MED29: variants seen among roughly 807,000 people sequenced by gnomAD.
MED29 encodes mediator of RNA polymerase II transcription subunit 29.
MED29 carries 14 observed loss-of-function variants against 22.0 expected under a neutral mutation model. The observed-to-expected ratio is 0.64, with a 90% CI of 0.42 to 0.99. The LOEUF is 0.99. Ranked by LOEUF, MED29 falls within the 50% of genes least tolerant of loss-of-function variation. MED29 has a pLI of 0.00. For synonymous variants in MED29, 123 were observed against 107.8 expected, an observed-to-expected ratio of 1.14 and a Z score of -0.87; for missense variants, 241 against 253.7, an observed-to-expected ratio of 0.95 and a Z score of 0.34.
rs1227557647 is a variant in MED29 at position 39,398,005 on chromosome 19, C to T, written c.*306C>T. 2 of 539,580 alleles carry T rather than the reference C, an allele frequency of 3.7e-6. No individual in the cohort carries two copies. Among genetic ancestry groups the T allele is most frequent in the Non-Finnish European group, 6.6e-6 (2 of 303,190 alleles). The allele number at this position is 539,580 out of a possible 1,614,324, so 33.4% of individuals were successfully genotyped here. ...GGAGCCCTGGCTGTCCCCTCTCCCT[C>T]AGTCCTTCCTGACTGTCTCCAGCTG... On this transcript the variant is annotated 3_prime_UTR_variant, in exon 4 of 4. Transcript: ENST00000315588.
Position 39,393,543 on chromosome 19 carries a change from T to G in MED29, c.276-10T>G, listed in dbSNP as rs757673357. On this transcript the variant is annotated splice_polypyrimidine_tract_variant and intron_variant, in intron 2 of 3. Transcript: ENST00000315588. ...CAATTCTTCAGACATCCTTTTTTCC[T>G]TGTCTGTAGAAAGAGCAGTGATGGA... 6.2e-7 allele frequency: 1 copy of G among 1,612,700 alleles called. No homozygotes were observed. The highest frequency in any genetic ancestry group is 8.5e-7 in the Non-Finnish European group (1 of 1,178,778).
chr19:39,395,778 G>A (rs560421636), intron 3 of MED29, among the ~76,000 whole-genome samples: 8 of 152,142 alleles, frequency 5.3e-5, no homozygotes, highest in Non-Finnish European at 8.8e-5. Flanking sequence ...TTAGCCGGGC[G>A]TGGTGGCAGG....
Position 39,391,589 on chromosome 19 carries a change from C to T in MED29, c.167C>T (p.Pro56Leu), listed in dbSNP as rs1470208847. ...LLQQQQQDFD[P>L]VQRYKMLIPQ... ...CAGCAACAGCAACAGGACTTCGATC[C>T]TGTGCAGCGTTATAAGATGCTCATC... Residue 56 changes from proline (P) to leucine (L), a missense_variant, in exon 1 of 4, where the codon CCT becomes CTT. Pro to Leu is a moderately conservative substitution (Grantham distance 98). Coordinates refer to ENST00000315588, the MANE Select transcript of MED29 (RefSeq NM_017592.4). 3 of 1,612,664 alleles carry T rather than the reference C, an allele frequency of 1.9e-6. No homozygotes were observed. The highest frequency in any genetic ancestry group is 2.5e-6 in the Non-Finnish European group (3 of 1,179,492).
rs1452781685 is a variant in MED29, at chr19:39,391,408, G to A, written c.-15G>A. 3.7e-6 allele frequency: 6 copies of A among 1,609,902 alleles called. No homozygotes were observed. Among genetic ancestry groups the A allele is most frequent in the Non-Finnish European group, 4.2e-6 (5 of 1,176,678 alleles). On this transcript the variant is annotated 5_prime_UTR_variant, in exon 1 of 4. Coordinates refer to ENST00000315588, the MANE Select transcript of MED29 (RefSeq NM_017592.4). ...ACGCAGTCGTAACGCACTTCCGGCG[G>A]TCTACGCGAGGAAGATGGCTGCATC...
chr19:39,393,072 C>CTTTTT (rs2078405142), intron 2 of MED29, among the ~76,000 whole-genome samples: 6 of 86,140 alleles, frequency 7.0e-5, no homozygotes, highest in East Asian at 3.4e-4. Context: ...TTCTTTCTTT[C>CTTTTT]TTTCTTTTCT....
chr19:39,392,732 C>T (rs903849929), intron 2 of MED29: 9 of 528,360 alleles, frequency 1.7e-5, no homozygotes, highest in African/African-American at 4.0e-5. Context: ...GTTAGGAGAT[C>T]CTCTTGCCTC....
intron 1 of MED29, 30 bp downstream of exon 1, chr19:39,391,668 C>T (rs769190503): frequency 3.2e-6 from 5 of 1,547,952 alleles, no homozygotes; most frequent in Non-Finnish European, 4.4e-6. Flanking sequence ...GAGAAGCAAA[C>T]TGGATTTGGT....
At chr19:39,393,081 C>CTTTTTTTTTTTTTTTTTTTTTTT (rs142198224) in intron 2 of MED29, among the ~76,000 whole-genome samples, 3 of 34,712 alleles carry the variant, frequency 8.6e-5, no homozygotes, top group Non-Finnish European at 1.7e-4. Flanking sequence ...TCTTTCTTTT[C>CTTTTTTTTTTTTTTTTTTTTTTT]TTTTTTTTTT....
Position 39,397,654 on chromosome 19 carries a change from G to T in MED29, c.558G>T (p.Thr186=), listed in dbSNP as rs199808262. 5.0e-6 allele frequency: 8 copies of T among 1,612,560 alleles called. No individual in the cohort carries two copies. The highest frequency in any genetic ancestry group is 6.8e-6 in the Non-Finnish European group (8 of 1,179,910). ...TGCTGGACTGTGCCAACAAGGTCAC[G>T]GGCAAGACACCCGCACCACCTGCTG... ...TALLDCANKV[T]GKTPAPPAGP... Residue 186 remains threonine, a synonymous_variant, in exon 4 of 4, where the codon ACG becomes ACT. Coordinates refer to ENST00000315588, the MANE Select transcript of MED29 (RefSeq NM_017592.4).
Position 39,399,239 on chromosome 19 carries a change from A to G in MED29, c.*1540A>G, listed in dbSNP as rs1266444362. The G allele has an allele frequency of 6.6e-6, 1 of 152,276 alleles. No homozygotes were observed. The highest frequency in any genetic ancestry group is 1.5e-5 in the Non-Finnish European group (1 of 68,056). The allele number at this position is 152,276 out of a possible 1,614,324, so 9.4% of individuals were successfully genotyped here. A position where few individuals can be genotyped will look rare whatever the true frequency, so the allele number is the denominator to read the frequency against. On this transcript the variant is annotated 3_prime_UTR_variant, in exon 4 of 4. Transcript: ENST00000315588. ...CTGTAGCCCGTCCAAGTTGACACAT[A>G]AAACTGACCATCGGGCCGGGGGCGG...
Position 39,400,525 on chromosome 19 carries a change from GTTAC to G in MED29, c.*2829_*2832del, listed in dbSNP as rs1341033723. On this transcript the variant is annotated 3_prime_UTR_variant, in exon 4 of 4. Transcript: ENST00000315588. ...GTAACATCTGCATATGGAGAATCGT[GTTAC>G]TTTATTGAAAAACATTAAAAGTTTG... 4 of 152,182 alleles carry G rather than the reference GTTAC, an allele frequency of 2.6e-5. No homozygotes were observed. The highest frequency in any genetic ancestry group is 2.0e-4 in the Admixed American group (3 of 15,280). The allele number at this position is 152,182 out of a possible 1,614,324, so 9.4% of individuals were successfully genotyped here. A position where few individuals can be genotyped will look rare whatever the true frequency, so the allele number is the denominator to read the frequency against.
intron 3 of MED29, 49 bp from the exon 4 acceptor site, chr19:39,397,408 A>G: frequency 1.9e-6 from 3 of 1,573,650 alleles, no homozygotes; most frequent in Non-Finnish European, 1.7e-6. Context: ...GGTGGGGTAG[A>G]ATGACCTCGG....
Position 39,393,539 on chromosome 19 carries a change from T to C in MED29, c.276-14T>C. ...AAATCAATTCTTCAGACATCCTTTT[T>C]TCCTTGTCTGTAGAAAGAGCAGTGA... On this transcript the variant is annotated splice_polypyrimidine_tract_variant and intron_variant, in intron 2 of 3. Coordinates refer to ENST00000315588, the MANE Select transcript of MED29 (RefSeq NM_017592.4). The C allele has an allele frequency of 1.2e-6, 2 of 1,612,204 alleles. No individual in the cohort carries two copies. The highest frequency in any genetic ancestry group is 2.2e-5 in the East Asian group (1 of 44,876).
chr19:39,394,644 A>G (rs2078418685), intron 3 of MED29, among the ~76,000 whole-genome samples: 1 of 139,196 alleles, frequency 7.2e-6, no homozygotes, highest in African/African-American at 2.8e-5. Context: ...GCTCACTGCA[A>G]CCTTGGCCTC....
At chr19:39,396,660 A>C (rs1449373129) in intron 3 of MED29, among the ~76,000 whole-genome samples, 1 of 151,894 alleles carries the variant, frequency 6.6e-6, no homozygotes, top group Non-Finnish European at 1.5e-5. Flanking sequence ...CAGGAGGCAG[A>C]GGTTGCAGTG....
Position 39,397,521 on chromosome 19 carries a change from C to A in MED29, c.425C>A (p.Pro142His). Reference sequence around the variant, plus strand: ...GCCAAGCACTCTCCAACGTTGGTGCCCACAGCCACCAAGCCCGACGCAGTG... The same window carrying A: ...GCCAAGCACTCTCCAACGTTGGTGCACACAGCCACCAAGCCCGACGCAGTG... ...DSAKHSPTLV[P>H]TATKPDAVQP... The change falls in exon 4 of 4, where the codon CCC becomes CAC. Residue 142 changes from proline (P) to histidine (H), a missense_variant. Coordinates refer to ENST00000315588, the MANE Select transcript of MED29 (RefSeq NM_017592.4). 1 of 1,612,514 alleles carries A rather than the reference C, an allele frequency of 6.2e-7. No individual in the cohort carries two copies. The highest frequency in any genetic ancestry group is 8.5e-7 in the Non-Finnish European group (1 of 1,180,012).
rs2078434524 is a variant in MED29, at chr19:39,397,449, G to A, written c.361-8G>A. 1 of 1,600,300 alleles carries A rather than the reference G, an allele frequency of 6.2e-7. No individual in the cohort carries two copies. Among genetic ancestry groups the A allele is most frequent in the African/African-American group, 1.3e-5 (1 of 74,856 alleles). On this transcript the variant is annotated splice_region_variant and splice_polypyrimidine_tract_variant and intron_variant, in intron 3 of 3. Coordinates refer to ENST00000315588, the MANE Select transcript of MED29 (RefSeq NM_017592.4). ...GCTGATGCTGTCCCCTTGCCTGCCT[G>A]TCCACAGCGCCTGGCGCATGAGTGC...
Position 39,391,495 on chromosome 19 carries a change from G to A in MED29, c.73G>A (p.Gly25Ser), listed in dbSNP as rs2078378173. The A allele has an allele frequency of 6.2e-7, 1 of 1,612,772 alleles. No individual in the cohort carries two copies. Among genetic ancestry groups the A allele is most frequent in the Non-Finnish European group, 8.5e-7 (1 of 1,179,854 alleles). Residue 25 changes from glycine (G) to serine (S), a missense_variant, in exon 1 of 4, where the codon GGC (glycine) becomes AGC (serine). Coordinates refer to ENST00000315588, the MANE Select transcript of MED29 (RefSeq NM_017592.4). ...TGTATCGGGTCCTAGTTCGGCTGGC[G>A]GCCCGGGTCCCCAGCAGCAGCCGCA... is the stretch of plus-strand genomic sequence containing the variant. The part of the protein sequence containing the change: ...AGVSGPSSAG[G>S]PGPQQQPQPP...
At chr19:39,394,625 G>A (rs1292084193) in intron 3 of MED29, among the ~76,000 whole-genome samples, 1 of 142,528 alleles carries the variant, frequency 7.0e-6, no homozygotes, top group Non-Finnish European at 1.5e-5. Context: ...GTACAGTGGC[G>A]CGACTTCAGC....
Sources: allele counts gnomAD v4.1 joint callset (sites outside exome capture counted in the v4.1 genomes callset), GRCh38; gene constraint gnomAD v4.1.1; transcripts MANE v1.5; gene names NCBI Gene and HGNC (gene_info 2026-07-23, HGNC 2026-07-21).